Variants in IMPG2 observed in about 807,000 individuals in gnomAD.
IMPG2 encodes IPM 200.
Under a neutral mutation model 129.2 loss-of-function variants are expected in IMPG2, and 91 were observed. The ratio of observed to expected loss-of-function variants is 0.70; its 90% CI spans 0.59 to 0.84. IMPG2 has a LOEUF of 0.84. IMPG2 is among the 40% of genes least tolerant of loss of function. The pLI is 0.00. For synonymous variants in IMPG2, 510 were observed against 517.7 expected (o/e 0.99, Z 0.20); for missense variants, 1,430 against 1,461.7 (o/e 0.98, Z 0.35).
chr3:101,256,144 GAAAA>G (rs1264381727), intron 10 of IMPG2, among the ~76,000 whole-genome samples: 9 of 45,348 alleles, frequency 2.0e-4, no homozygotes, highest in Admixed American at 1.6e-3. Flanking sequence ...AAGAAAGAAA[GAAAA>G]GAAAGAAAGA....
At chr3:101,240,504 G>A (rs1576746585) in intron 14 of IMPG2, among the ~76,000 whole-genome samples, 2 of 152,256 alleles carry the variant, frequency 1.3e-5, no homozygotes, top group South Asian at 4.1e-4. Flanking sequence ...TTAGTCAAAT[G>A]TTTTATATAT....
chr3:101,240,913 C>T (rs1259139436), intron 14 of IMPG2, among the ~76,000 whole-genome samples: 2 of 152,200 alleles, frequency 1.3e-5, no homozygotes, highest in East Asian at 3.8e-4. Flanking sequence ...GCCAGGCATT[C>T]CTTCTCACTC....
chr3:101,291,159 A>G (rs1449515531), intron 4 of IMPG2, among the ~76,000 whole-genome samples: 1 of 152,224 alleles, frequency 6.6e-6, no homozygotes, highest in Non-Finnish European at 1.5e-5. Context: ...GTACAATTTC[A>G]TAACAATTTC....
In IMPG2 at chr3:101,245,961, G is replaced by C. The variant is rs778339073; in HGVS notation, c.1384C>G (p.His462Asp). ...ESPLGDLVST[H>D]KLAFPSKMGL... ...ATCTTCGAGGGAAAGGCTAATTTGT[G>C]TGTAGACACTAAATCACCCAAAGGA... The change falls in exon 12 of 19, where the codon CAC becomes GAC. Residue 462 changes from histidine (H) to aspartate (D), a missense_variant. Coordinates refer to ENST00000193391, the MANE Select transcript of IMPG2 (RefSeq NM_016247.4). 1 of 1,614,166 alleles carries C rather than the reference G, an allele frequency of 6.2e-7. No individual in the cohort carries two copies. The highest frequency in any genetic ancestry group is 1.1e-5 in the South Asian group (1 of 91,088).
chr3:101,319,767 C>A lies in IMPG2; in HGVS notation c.151G>T (p.Glu51Ter). 6.2e-7 allele frequency: 1 copy of A among 1,613,520 alleles called. No individual in the cohort carries two copies. Among genetic ancestry groups the A allele is most frequent in the South Asian group, 1.1e-5 (1 of 91,084 alleles). Residue 51 changes from glutamate to a stop codon, truncating the protein, a stop_gained, in exon 2 of 19, where the codon GAA becomes TAA. Transcript: ENST00000193391. LOFTEE classifies it high-confidence loss of function. ...PKSAVSFLLP[E>*]ESTDLSLATK... is the part of the protein sequence containing the mutation. ...GCTAGAGAAAGGTCTGTTGATTCTTCAGGCAGGAGAAAAGAAACTGCACTC... is the reference window on the plus strand; with the variant it reads ...GCTAGAGAAAGGTCTGTTGATTCTTAAGGCAGGAGAAAAGAAACTGCACTC...
At chr3:101,256,207 AAG>A (rs1559646442) in intron 10 of IMPG2, among the ~76,000 whole-genome samples, 1 of 150,982 alleles carries the variant, frequency 6.6e-6, no homozygotes, top group South Asian at 2.1e-4. Flanking sequence ...GAAAGAAAGA[AAG>A]AAAGAAAGAA....
intron 2 of IMPG2, among the ~76,000 whole-genome samples, chr3:101,309,796 A>G (rs1707241335): frequency 6.6e-6 from 1 of 152,234 alleles, no homozygotes; most frequent in South Asian, 2.1e-4. Flanking sequence ...TTAAAAATGA[A>G]AACAACCCAA....
chr3:101,234,941 T>G (rs139606046), intron 14 of IMPG2, among the ~76,000 whole-genome samples: 2,830 of 152,334 alleles, frequency 0.019, 84 homozygotes, highest in African/African-American at 0.065. Context: ...GGATTTCAAA[T>G]TTTTCAGATT....
In IMPG2 at chr3:101,319,761, A is replaced by G. The variant is rs768526364; in HGVS notation, c.157T>C (p.Ser53Pro). The change falls in exon 2 of 19, where the codon TCA becomes CCA. Residue 53 changes from serine (S) to proline (P), a missense_variant. Transcript: ENST00000193391. ...SAVSFLLPEE[S>P]TDLSLATKKK... ...TTGGTAGCTAGAGAAAGGTCTGTTG[A>G]TTCTTCAGGCAGGAGAAAAGAAACT... 1 of 1,613,586 alleles carries G rather than the reference A, an allele frequency of 6.2e-7. No individual in the cohort carries two copies. The highest frequency in any genetic ancestry group is 1.1e-5 in the South Asian group (1 of 91,072).
chr3:101,296,173 A>T (rs1364134547), intron 3 of IMPG2, among the ~76,000 whole-genome samples: 2 of 152,194 alleles, frequency 1.3e-5, no homozygotes, highest in African/African-American at 4.8e-5. Flanking sequence ...GCTTTTGCCC[A>T]TTCAGTATGA....
chr3:101,313,723 A>T (rs529673245), intron 2 of IMPG2, among the ~76,000 whole-genome samples: 7 of 152,246 alleles, frequency 4.6e-5, no homozygotes, highest in African/African-American at 1.7e-4. Flanking sequence ...AGCCCAAAGC[A>T]TATGGAATAG....
intron 2 of IMPG2, among the ~76,000 whole-genome samples, chr3:101,306,375 C>A (rs764901307): frequency 6.6e-6 from 1 of 152,060 alleles, no homozygotes; most frequent in Non-Finnish European, 1.5e-5. Context: ...AGGGCTAAAC[C>A]AAACCTTTCA....
chr3:101,248,746 C>A (rs1364884722), intron 11 of IMPG2, among the ~76,000 whole-genome samples: 2 of 152,186 alleles, frequency 1.3e-5, no homozygotes, highest in Non-Finnish European at 2.9e-5. Context: ...ATCTTATTTT[C>A]TTTTGTGGAA....
intron 14 of IMPG2, among the ~76,000 whole-genome samples, chr3:101,233,541 T>G (rs1178169716): frequency 3.3e-5 from 5 of 152,308 alleles, no homozygotes; most frequent in Admixed American, 3.3e-4. Context: ...AAATCAATGT[T>G]AGGAAAATAA....
intron 16 of IMPG2, among the ~76,000 whole-genome samples, chr3:101,230,621 T>C (rs1706274670): frequency 6.6e-6 from 1 of 152,216 alleles, no homozygotes; most frequent in South Asian, 2.1e-4. Context: ...CTCATGCTCA[T>C]TCAACCAGCT....
chr3:101,292,384 G>C (rs1707028380), intron 3 of IMPG2, among the ~76,000 whole-genome samples: 2 of 152,030 alleles, frequency 1.3e-5, no homozygotes, highest in Admixed American at 1.3e-4. Context: ...ATATTTTTTG[G>C]TTTCCTAGTG....
chr3:101,307,453 A>T (rs1215044045), intron 2 of IMPG2, among the ~76,000 whole-genome samples: 1 of 152,200 alleles, frequency 6.6e-6, no homozygotes, highest in African/African-American at 2.4e-5. Flanking sequence ...ATGGGTGGGG[A>T]GGCCTCAGGA....
At chr3:101,283,082 G>A (rs1706909442) in intron 4 of IMPG2, among the ~76,000 whole-genome samples, 2 of 152,134 alleles carry the variant, frequency 1.3e-5, no homozygotes, top group African/African-American at 2.4e-5. Flanking sequence ...GAGTGCAGTG[G>A]CGCAATCTCG....
In IMPG2 at chr3:101,248,772, A is replaced by C. The variant is rs552553186; in HGVS notation, c.1240-2667T>G. Among the ~76,000 whole-genome samples the C allele has an allele frequency of 2.0e-5, 3 of 152,228 alleles. No homozygotes were observed. In the South Asian group the frequency reaches 6.2e-4, roughly 32 times the overall value. On this transcript the variant is annotated intron_variant, in intron 11 of 18. Transcript: ENST00000193391. ...TTTTGTGGAACTCAATTACAACATC[A>C]TTTCCTGCCTTGTCCATGTTGTTTT...
Sources: allele counts gnomAD v4.1 joint callset (sites outside exome capture counted in the v4.1 genomes callset), GRCh38; gene constraint gnomAD v4.1.1; transcripts MANE v1.5; gene names NCBI Gene and HGNC (gene_info 2026-07-23, HGNC 2026-07-21).